Variants in GSDMC observed in about 807,000 individuals in gnomAD.
GSDMC encodes the protein gasdermin C, also known as gasdermin-C.
Under a neutral mutation model 58.0 loss-of-function variants are expected in GSDMC, and 59 were observed. That is an observed-to-expected ratio of 1.02 (90% confidence interval 0.82 to 1.26). The LOEUF is 1.26. GSDMC is among the 50% of genes most tolerant of loss of function. The pLI is 0.00. For missense variants in GSDMC, 659 were observed against 598.5 expected (o/e 1.10, Z -1.06); for synonymous variants, 241 against 220.2 (o/e 1.09, Z -0.83).
intron 7 of GSDMC, among the ~76,000 whole-genome samples, 181 bp downstream of exon 7, chr8:129,752,517 G>A (rs1441361087): frequency 1.3e-5 from 2 of 152,198 alleles, no homozygotes; most frequent in Admixed American, 1.3e-4. Flanking sequence ...TCCAAAGGGG[G>A]TCAGGGATCA....
chr8:129,738,209 A>G, the GSDMC span, among the ~76,000 whole-genome samples: 1 of 152,200 alleles, frequency 6.6e-6, no homozygotes, highest in East Asian at 1.9e-4. Context: ...ACACTTTTAC[A>G]TTGTTGGTGG....
At chr8:129,730,318 T>C in the GSDMC span, 2 of 1,360,662 alleles carry the variant, frequency 1.5e-6, no homozygotes, top group South Asian at 2.6e-5. Flanking sequence ...GATCACAGAA[T>C]AAGCAAGTCA....
At chr8:129,746,990 T>C (rs7822056), downstream of GSDMC, among the ~76,000 whole-genome samples, 98,107 of 151,850 alleles carry the variant, frequency 0.65, 34,113 homozygotes, top group African/African-American at 0.9. Context: ...TGGCTCACAC[T>C]TGTAATCCCA....
rs750150699 is a variant in GSDMC at position 129,776,187 on chromosome 8, CT to C, written c.318del (p.Glu108ArgfsTer38). The C allele has an allele frequency of 6.2e-7, 1 of 1,613,934 alleles. No individual in the cohort carries two copies. The highest frequency in any genetic ancestry group is 8.5e-7 in the Non-Finnish European group (1 of 1,179,798). Reference protein sequence around the residue: ...GVNVGIEVSVSGEASVDHGCS... With the variant: ...GVNVGIEVSVXGEASVDHGCS... ...CATCCATGGTCCACAGAGGCCTCCC[CT>C]GACACACTCACTTCTATACCAACAT... On this transcript the variant is annotated frameshift_variant, in exon 3 of 14. Coordinates refer to ENST00000276708, the MANE Select transcript of GSDMC (RefSeq NM_031415.3). LOFTEE classifies it high-confidence loss of function.
At chr8:129,769,195 G>T (rs565164876) in intron 3 of GSDMC, among the ~76,000 whole-genome samples, 1 of 152,014 alleles carries the variant, frequency 6.6e-6, no homozygotes, top group Non-Finnish European at 1.5e-5. Flanking sequence ...CAAATAGGTC[G>T]AACCCAAAAG....
chr8:129,705,676 A>G, the GSDMC span: 1 of 152,202 alleles, frequency 6.6e-6, no homozygotes, highest in African/African-American at 2.4e-5. Context: ...CCCATGACAC[A>G]TGGGGATTAT....
At chr8:129,730,151 T>C in the GSDMC span, 1 of 1,032,102 alleles carries the variant, frequency 9.7e-7, no homozygotes, top group Non-Finnish European at 1.4e-6. Flanking sequence ...CCCGAAAAAA[T>C]AAAGAGCTGG....
the GSDMC span, chr8:129,730,067 G>T: frequency 1.3e-5 from 14 of 1,111,322 alleles, no homozygotes; most frequent in South Asian, 1.6e-5. Flanking sequence ...AAGTAAAGAA[G>T]ATTTTTCTAT....
At chr8:129,779,800 C>T (rs1004473792) in intron 1 of GSDMC, among the ~76,000 whole-genome samples, 1 of 151,912 alleles carries the variant, frequency 6.6e-6, no homozygotes, top group Admixed American at 6.6e-5. Context: ...AGGGACCAAT[C>T]CCAGAGAGAC....
chr8:129,742,263 T>C, the GSDMC span, among the ~76,000 whole-genome samples: 1 of 152,000 alleles, frequency 6.6e-6, no homozygotes. Context: ...TGAGAGTAAA[T>C]TGCAAATGCC....
At chr8:129,782,938 T>C (rs2034456281) in intron 1 of GSDMC, among the ~76,000 whole-genome samples, 1 of 151,350 alleles carries the variant, frequency 6.6e-6, no homozygotes, top group South Asian at 2.1e-4. Flanking sequence ...TTCTGATGAA[T>C]ATTGATGGAA....
Position 129,748,400 on chromosome 8 carries a change from C to T in GSDMC, c.*101G>A, listed in dbSNP as rs904993883. The T allele has an allele frequency of 3.2e-5, 38 of 1,204,342 alleles. No individual in the cohort carries two copies. Among genetic ancestry groups the T allele is most frequent in the Non-Finnish European group, 3.8e-5 (33 of 878,670 alleles). The allele number at this position is 1,204,342 out of a possible 1,614,324, so 74.6% of individuals were successfully genotyped here. A position where few individuals can be genotyped will look rare whatever the true frequency, so the allele number is the denominator to read the frequency against. ...TTACTGTCTCTACTCCACCTGGAAA[C>T]GCAGAGAGGCACAGCCCTATCTCTT... On this transcript the variant is annotated 3_prime_UTR_variant, in exon 14 of 14. Transcript: ENST00000276708.
the GSDMC span, among the ~76,000 whole-genome samples, chr8:129,707,936 G>A: frequency 6.6e-6 from 1 of 152,122 alleles, no homozygotes; most frequent in African/African-American, 2.4e-5. Context: ...TAGTCCAAAT[G>A]GCCTGTCTTG....
chr8:129,762,527 A>G (rs774217138), intron 5 of GSDMC, 99 bp downstream of exon 5: 88 of 776,288 alleles, frequency 1.1e-4, no homozygotes, highest in Admixed American at 1.8e-4. Flanking sequence ...CAGAGCATCA[A>G]AGGTTGCATA....
At chr8:129,763,343 T>C (rs1486060752) in intron 4 of GSDMC, among the ~76,000 whole-genome samples, 1 of 152,244 alleles carries the variant, frequency 6.6e-6, no homozygotes, top group African/African-American at 2.4e-5. Context: ...TATGGTTGTC[T>C]TTTTGAGGTA....
At chr8:129,711,251 G>A in the GSDMC span, among the ~76,000 whole-genome samples, 1 of 152,110 alleles carries the variant, frequency 6.6e-6, no homozygotes, top group Non-Finnish European at 1.5e-5. Context: ...GAAAACTGAA[G>A]TTAACAAAAT....
intron 1 of GSDMC, among the ~76,000 whole-genome samples, chr8:129,781,633 T>G (rs1262517607): frequency 6.6e-6 from 1 of 151,978 alleles, no homozygotes; most frequent in African/African-American, 2.4e-5. Flanking sequence ...TAGTCCCAGT[T>G]ACTCAGGAGG....
chr8:129,716,073 A>T, the GSDMC span, among the ~76,000 whole-genome samples: 2 of 152,214 alleles, frequency 1.3e-5, no homozygotes, highest in Non-Finnish European at 2.9e-5. Flanking sequence ...AAAATTACTC[A>T]TTCCGAAAGA....
At chr8:129,737,346 C>T in the GSDMC span, among the ~76,000 whole-genome samples, 1 of 152,072 alleles carries the variant, frequency 6.6e-6, no homozygotes, top group Non-Finnish European at 1.5e-5. Flanking sequence ...AATCCTAAGC[C>T]AAAAGAACAA....
Sources: allele counts gnomAD v4.1 joint callset (sites outside exome capture counted in the v4.1 genomes callset), GRCh38; gene constraint gnomAD v4.1.1; transcripts MANE v1.5; gene names NCBI Gene and HGNC (gene_info 2026-07-23, HGNC 2026-07-21).